Variants in DCC observed in about 807,000 individuals in gnomAD.
The protein encoded by DCC is netrin receptor DCC.
DCC carries 58 observed loss-of-function variants against 172.5 expected under a neutral mutation model. The ratio of observed to expected loss-of-function variants is 0.34; its 90% CI spans 0.27 to 0.42. DCC has a LOEUF of 0.42. DCC is among the 10% of genes least tolerant of loss of function. The pLI is 1.00. For synonymous variants in DCC, 709 were observed against 644.5 expected, an observed-to-expected ratio of 1.10 and a Z score of -1.52; for missense variants, 1,740 against 1,791.0, an observed-to-expected ratio of 0.97 and a Z score of 0.51.
chr18:52,762,919 G>A (rs2037187071), intron 2 of DCC, among the ~76,000 whole-genome samples: 1 of 152,170 alleles, frequency 6.6e-6, no homozygotes, highest in African/African-American at 2.4e-5. Context: ...GTAAAGGAAT[G>A]AGTTTACACT....
intron 1 of DCC, among the ~76,000 whole-genome samples, chr18:52,604,477 T>A (rs1372131607): frequency 6.6e-6 from 1 of 152,166 alleles, no homozygotes; most frequent in Non-Finnish European, 1.5e-5. Context: ...AGCAATGACC[T>A]TTTCCTCATG....
chr18:52,456,092 A>G (rs1988449107), intron 1 of DCC, among the ~76,000 whole-genome samples: 1 of 152,174 alleles, frequency 6.6e-6, no homozygotes, highest in South Asian at 2.1e-4. Flanking sequence ...AAAGACAACT[A>G]TCACTCCCTT....
chr18:52,926,075 G>T (rs562609647), intron 5 of DCC, among the ~76,000 whole-genome samples: 56 of 151,794 alleles, frequency 3.7e-4, no homozygotes, highest in East Asian at 9.7e-4. Flanking sequence ...CTTAACATTT[G>T]GATTTCAGTT....
At chr18:52,881,087 G>T (rs2039478792) in intron 2 of DCC, among the ~76,000 whole-genome samples, 1 of 151,952 alleles carries the variant, frequency 6.6e-6, no homozygotes, top group Admixed American at 6.6e-5. Context: ...TTGTAGCTTT[G>T]ATTTGCATTT....
chr18:53,387,377 A>G (rs566902972), intron 16 of DCC, among the ~76,000 whole-genome samples: 3 of 152,308 alleles, frequency 2.0e-5, no homozygotes, highest in Non-Finnish European at 4.4e-5. Flanking sequence ...TGAATCTTTG[A>G]CCATTGTTTC....
intron 2 of DCC, among the ~76,000 whole-genome samples, chr18:52,753,312 C>T (rs1398186045): frequency 2.6e-5 from 4 of 152,136 alleles, no homozygotes; most frequent in Non-Finnish European, 4.4e-5. Context: ...ATTTGACTGA[C>T]CTTTCTCCTT....
intron 21 of DCC, among the ~76,000 whole-genome samples, chr18:53,418,933 C>A (rs1419323787): frequency 2.0e-5 from 3 of 152,146 alleles, no homozygotes; most frequent in Non-Finnish European, 4.4e-5. Context: ...TCTTGACCAC[C>A]TCTATAATTC....
chr18:53,172,926 C>T (rs2055035218), intron 8 of DCC, among the ~76,000 whole-genome samples: 1 of 151,958 alleles, frequency 6.6e-6, no homozygotes, highest in Non-Finnish European at 1.5e-5. Flanking sequence ...AATCATGTTG[C>T]TTTTCTAAAT....
chr18:52,711,474 T>G (rs965127097), intron 1 of DCC, among the ~76,000 whole-genome samples: 1 of 152,178 alleles, frequency 6.6e-6, no homozygotes, highest in Non-Finnish European at 1.5e-5. Context: ...AATAAACTGT[T>G]TTTGCATGAT....
chr18:52,897,189 A>G (rs1751259395), intron 2 of DCC, among the ~76,000 whole-genome samples: 1 of 152,170 alleles, frequency 6.6e-6, no homozygotes, highest in Non-Finnish European at 1.5e-5. Context: ...TGCTTCAAGG[A>G]TCTGGAACAG....
intron 2 of DCC, 21 bp downstream of exon 2, chr18:52,752,395 C>G: frequency 6.5e-7 from 1 of 1,546,500 alleles, no homozygotes; most frequent in Non-Finnish European, 8.9e-7. Flanking sequence ...TCTTCCTTCT[C>G]TTCCTCCTCC....
intron 1 of DCC, among the ~76,000 whole-genome samples, chr18:52,404,341 C>T (rs1210229904): frequency 6.6e-6 from 1 of 151,968 alleles, no homozygotes; most frequent in African/African-American, 2.4e-5. Context: ...GGGTTAGTAC[C>T]ATGGAGAACA....
At chr18:52,782,452 A>G (rs189263877) in intron 2 of DCC, among the ~76,000 whole-genome samples, 58 of 152,232 alleles carry the variant, frequency 3.8e-4, no homozygotes, top group Non-Finnish European at 6.9e-4. Context: ...CTCATCTCCT[A>G]CATTTTATAT....
At chr18:53,188,751 C>A (rs1280111762) in intron 9 of DCC, among the ~76,000 whole-genome samples, 1 of 152,150 alleles carries the variant, frequency 6.6e-6, no homozygotes, top group African/African-American at 2.4e-5. Context: ...TATATTTCCT[C>A]TGAAAATGCT....
chr18:53,290,760 G>C (rs962706495), intron 12 of DCC, among the ~76,000 whole-genome samples: 4 of 152,122 alleles, frequency 2.6e-5, no homozygotes, highest in Non-Finnish European at 4.4e-5. Flanking sequence ...AAGCAAAAAA[G>C]TGAAAAGGGC....
At chr18:52,656,794 C>A (rs2035262725) in intron 1 of DCC, among the ~76,000 whole-genome samples, 1 of 152,048 alleles carries the variant, frequency 6.6e-6, no homozygotes, top group African/African-American at 2.4e-5. Context: ...TAAGCACTAC[C>A]ATTAACTCCA....
In DCC at chr18:53,459,554, G is replaced by A. The variant is rs989830059; in HGVS notation, c.3619+96G>A. ...ATGGAAATGTCTTCCCTACTAATTT[G>A]CATGTCATTATGGGTCATTTATCAA... is the stretch of plus-strand genomic sequence containing the variant. On this transcript the variant is annotated intron_variant, in intron 24 of 28. Coordinates refer to ENST00000442544, the MANE Select transcript of DCC (RefSeq NM_005215.4). 3.7e-6 allele frequency: 3 copies of A among 816,692 alleles called. No homozygotes were observed. In the African/African-American group the frequency reaches 5.0e-5, roughly 14 times the overall value. 50.6% of individuals were successfully genotyped at this position (816,692 alleles called of 1,614,324 possible). A position where few individuals can be genotyped will look rare whatever the true frequency, so the allele number is the denominator to read the frequency against.
chr18:52,401,871 A>C (rs1342068973), intron 1 of DCC, among the ~76,000 whole-genome samples: 1 of 151,986 alleles, frequency 6.6e-6, no homozygotes, highest in East Asian at 1.9e-4. Context: ...GGCCTATTTA[A>C]TTCTCTACAA....
chr18:52,782,857 A>G (rs533305882), intron 2 of DCC, among the ~76,000 whole-genome samples: 2 of 152,236 alleles, frequency 1.3e-5, no homozygotes, highest in East Asian at 3.9e-4. Context: ...CTTCGTATAA[A>G]CATTTTAATT....
Sources: gnomAD v4.1 joint callset for allele counts (sites outside exome capture counted in the v4.1 genomes callset) on GRCh38, gnomAD v4.1.1 for gene constraint, MANE v1.5 for transcripts, NCBI Gene and HGNC (gene_info 2026-07-23, HGNC 2026-07-21) for gene names.